AFG2A: variants seen among roughly 807,000 people sequenced by gnomAD.
The protein encoded by AFG2A is ATPase family gene 2 protein homolog A.
chr4:123,084,590 ATGTGTGTGTG>A, the AFG2A span, among the ~76,000 whole-genome samples: 9 of 143,304 alleles, frequency 6.3e-5, no homozygotes, highest in South Asian at 2.2e-4. Context: ...GTATATATAT[ATGTGTGTGTG>A]TGTGTGTGTG....
At chr4:123,072,427 C>T in the AFG2A span, among the ~76,000 whole-genome samples, 1 of 152,064 alleles carries the variant, frequency 6.6e-6, no homozygotes, top group Non-Finnish European at 1.5e-5. Context: ...CTGGTGTAAA[C>T]ATAATTATAT....
At chr4:122,947,529 T>G in the AFG2A span, 1 of 1,441,364 alleles carries the variant, frequency 6.9e-7, no homozygotes, top group Non-Finnish European at 9.2e-7. Flanking sequence ...TTGATGCACT[T>G]ATCTCCAGTT....
the AFG2A span, among the ~76,000 whole-genome samples, chr4:123,061,239 A>C: frequency 6.6e-6 from 1 of 151,970 alleles, no homozygotes; most frequent in Non-Finnish European, 1.5e-5. Flanking sequence ...ACCAACCTTC[A>C]CCTGTTACTC....
chr4:122,995,440 A>G, the AFG2A span, among the ~76,000 whole-genome samples: 1 of 152,194 alleles, frequency 6.6e-6, no homozygotes, highest in Non-Finnish European at 1.5e-5. Flanking sequence ...AGGAAAGCAC[A>G]TTTGGGAAAG....
chr4:122,982,864 C>CTTTTT, the AFG2A span, among the ~76,000 whole-genome samples: 211 of 93,742 alleles, frequency 2.3e-3, 1 homozygote, highest in East Asian at 2.6e-3. Flanking sequence ...TAATCTTCTT[C>CTTTTT]TTTTTTTTTT....
the AFG2A span, among the ~76,000 whole-genome samples, chr4:123,107,245 C>A: frequency 2.0e-5 from 3 of 152,208 alleles, no homozygotes; most frequent in African/African-American, 7.2e-5. Flanking sequence ...TGTGTTACTG[C>A]TCTTTCAGTC....
At chr4:123,116,877 CAT>C in the AFG2A span, among the ~76,000 whole-genome samples, 1 of 152,140 alleles carries the variant, frequency 6.6e-6, no homozygotes, top group African/African-American at 2.4e-5. Flanking sequence ...CTTTCATGGA[CAT>C]GAAATGAAAC....
At chr4:123,003,736 G>C in the AFG2A span, among the ~76,000 whole-genome samples, 2 of 151,998 alleles carry the variant, frequency 1.3e-5, no homozygotes, top group African/African-American at 4.8e-5. Context: ...CCTTCCAGTT[G>C]GGGTGCTCGG....
the AFG2A span, among the ~76,000 whole-genome samples, chr4:122,998,892 C>A: frequency 6.6e-6 from 1 of 152,208 alleles, no homozygotes; most frequent in African/African-American, 2.4e-5. Flanking sequence ...GCCACACTGA[C>A]TTCCACAATG....
the AFG2A span, among the ~76,000 whole-genome samples, chr4:123,245,714 T>C: frequency 6.6e-6 from 1 of 152,226 alleles, no homozygotes; most frequent in South Asian, 2.1e-4. Flanking sequence ...TGCACAGTGC[T>C]ACAGGTTTTT....
chr4:123,004,974 C>G, the AFG2A span, among the ~76,000 whole-genome samples: 9 of 151,932 alleles, frequency 5.9e-5, no homozygotes, highest in African/African-American at 2.2e-4. Context: ...TCTGTTTCAC[C>G]TAAGTTGTTG....
chr4:123,030,819 G>A, the AFG2A span, among the ~76,000 whole-genome samples: 1 of 152,090 alleles, frequency 6.6e-6, no homozygotes, highest in Admixed American at 6.6e-5. Context: ...CTTCCCAGTT[G>A]AGCATCCCTA....
At chr4:123,255,332 C>T in the AFG2A span, among the ~76,000 whole-genome samples, 5 of 151,956 alleles carry the variant, frequency 3.3e-5, no homozygotes, top group Non-Finnish European at 7.4e-5. Context: ...CGAGACAAGC[C>T]TGGCCAACAT....
At chr4:123,045,475 A>C in the AFG2A span, among the ~76,000 whole-genome samples, 1 of 152,218 alleles carries the variant, frequency 6.6e-6, no homozygotes, top group Non-Finnish European at 1.5e-5. Context: ...ACATCCGTGA[A>C]GATTTCTTCA....
chr4:123,315,767 G>T, the AFG2A span: 1 of 152,116 alleles, frequency 6.6e-6, no homozygotes, highest in African/African-American at 2.4e-5. Flanking sequence ...CAGTTTTGTG[G>T]TGGCATACAT....
the AFG2A span, among the ~76,000 whole-genome samples, chr4:122,950,669 G>A: frequency 1.3e-5 from 2 of 152,222 alleles, no homozygotes; most frequent in South Asian, 4.1e-4. Flanking sequence ...GACGCTGTAG[G>A]CTGCACACAT....
the AFG2A span, among the ~76,000 whole-genome samples, chr4:123,261,159 G>C: frequency 6.6e-6 from 1 of 152,152 alleles, no homozygotes; most frequent in Non-Finnish European, 1.5e-5. Flanking sequence ...GGGGACTGCT[G>C]CTATGGACTG....
chr4:123,128,055 G>A, the AFG2A span, among the ~76,000 whole-genome samples: 1 of 152,134 alleles, frequency 6.6e-6, no homozygotes, highest in Non-Finnish European at 1.5e-5. Flanking sequence ...CTGTCTTTGT[G>A]TAAATACTTT....
chr4:123,250,414 G>GCAGGGGGTC, the AFG2A span, among the ~76,000 whole-genome samples: 3,744 of 152,200 alleles, frequency 0.025, 70 homozygotes, highest in Non-Finnish European at 0.035. Context: ...TATAAGAATG[G>GCAGGGGGTC]CAGGGGGTCC....
Sources: gnomAD v4.1 joint callset for allele counts (sites outside exome capture counted in the v4.1 genomes callset) on GRCh38, gnomAD v4.1.1 for gene constraint, MANE v1.5 for transcripts, NCBI Gene and HGNC (gene_info 2026-07-23, HGNC 2026-07-21) for gene names.